FNDC3B: variants seen among roughly 807,000 people sequenced by gnomAD.
FNDC3B encodes the protein fibronectin type III domain-containing protein 3B.
A neutral mutation model predicts 151.5 loss-of-function variants in FNDC3B; 12 were observed. The ratio of observed to expected loss-of-function variants is 0.08; its 90% CI spans 0.05 to 0.13. The LOEUF (loss-of-function observed/expected upper bound fraction) is 0.13, where lower values mean the gene tolerates loss of function less well. Among genes scored for constraint, FNDC3B ranks in the 10% least tolerant of loss-of-function variants. The pLI is 1.00. For synonymous variants in FNDC3B, 528 were observed against 549.0 expected (o/e 0.96, Z 0.54); for missense variants, 1,214 against 1,505.3 (o/e 0.81, Z 3.20).
At chr3:172,347,845 G>C (rs1385717731) in intron 21 of FNDC3B, among the ~76,000 whole-genome samples, 2 of 152,220 alleles carry the variant, frequency 1.3e-5, no homozygotes, top group East Asian at 3.8e-4. Context: ...CCCAGTGACG[G>C]TTATCAAGGC....
chr3:172,152,715 T>A (rs900427798), intron 3 of FNDC3B, among the ~76,000 whole-genome samples: 1 of 151,930 alleles, frequency 6.6e-6, no homozygotes, highest in Non-Finnish European at 1.5e-5. Flanking sequence ...AAATCACACT[T>A]CTTCTTTTCA....
At chr3:172,260,350 G>T (rs1728583275) in intron 6 of FNDC3B, among the ~76,000 whole-genome samples, 1 of 152,254 alleles carries the variant, frequency 6.6e-6, no homozygotes, top group Non-Finnish European at 1.5e-5. Flanking sequence ...TGCAGATCTT[G>T]GTTTAGTCTC....
chr3:172,063,532 T>C (rs1169372207), intron 1 of FNDC3B, among the ~76,000 whole-genome samples: 1 of 152,244 alleles, frequency 6.6e-6, no homozygotes, highest in Non-Finnish European at 1.5e-5. Flanking sequence ...AGGTTTCTAC[T>C]CTTTCCCTTA....
In FNDC3B at chr3:172,175,824, A is replaced by G. The variant is rs191211531; in HGVS notation, c.187+42278A>G. Among the ~76,000 whole-genome samples the G allele has an allele frequency of 3.1e-3, 472 of 150,250 alleles. 2 individuals carry two copies. Among genetic ancestry groups the G allele is most frequent in the African/African-American group, 0.011 (445 of 39,616 alleles). Reference sequence around the variant, plus strand: ...AGACATTGTTTTTCCTGGGGAGGGGATCACAGTAGTACAGATGTGAAAAAT... The same window carrying G: ...AGACATTGTTTTTCCTGGGGAGGGGGTCACAGTAGTACAGATGTGAAAAAT... On this transcript the variant is annotated intron_variant, in intron 3 of 25. Transcript: ENST00000415807.
At chr3:172,356,166 A>G (rs1179745242) in intron 22 of FNDC3B, among the ~76,000 whole-genome samples, 2 of 152,168 alleles carry the variant, frequency 1.3e-5, no homozygotes, top group Admixed American at 1.3e-4. Context: ...ATTTTGTCAT[A>G]ACAAGGTGAG....
chr3:172,188,463 C>T (rs557527617), intron 3 of FNDC3B, among the ~76,000 whole-genome samples: 2 of 150,110 alleles, frequency 1.3e-5, no homozygotes, highest in Non-Finnish European at 3.0e-5. Flanking sequence ...TGGAGTGTAG[C>T]GACGCGATCT....
rs780264795 is a variant in FNDC3B at position 172,353,005 on chromosome 3, A to G, written c.2717A>G (p.Asp906Gly). 2 of 1,614,156 alleles carry G rather than the reference A, an allele frequency of 1.2e-6. No individual in the cohort carries two copies. Among genetic ancestry groups the G allele is most frequent in the Non-Finnish European group, 1.7e-6 (2 of 1,180,022 alleles). The change falls in exon 22 of 26, where the codon GAT becomes GGT. Residue 906 changes from aspartate (D) to glycine (G), a missense_variant. By Grantham distance (94) the Asp-to-Gly change is moderately conservative (BLOSUM62 -1). Coordinates refer to ENST00000415807, the MANE Select transcript of FNDC3B (RefSeq NM_022763.4). ...NGSEILAYTI[D>G]LGDTSITVGN... ...TCTGAAATCCTTGCTTACACCATTG[A>G]TCTAGGAGACACTAGCATTACCGTG...
At chr3:172,338,046 C>G (rs768845961) in intron 16 of FNDC3B, 2 of 152,460 alleles carry the variant, frequency 1.3e-5, no homozygotes, top group Non-Finnish European at 2.9e-5. Context: ...TTATAAGCAG[C>G]CGAGAGTGGT....
rs145532328 is a variant in FNDC3B, at chr3:172,155,820, G to C, written c.187+22274G>C. On this transcript the variant is annotated intron_variant, in intron 3 of 25. Transcript: ENST00000415807. ...CTTGAACCATGCCTTGGTGGAATTA[G>C]AAAGTTACCCACATCATTTATGGTA... Among the ~76,000 whole-genome samples the C allele has an allele frequency of 6.5e-3, 995 of 152,308 alleles. 8 individuals are homozygous for C. Among genetic ancestry groups the C allele is most frequent in the African/African-American group, 0.023 (956 of 41,578 alleles).
intron 4 of FNDC3B, among the ~76,000 whole-genome samples, chr3:172,244,651 G>C (rs530051999): frequency 1.9e-5 from 2 of 107,890 alleles, no homozygotes; most frequent in African/African-American, 7.6e-5. Flanking sequence ...TTGAGTCGGC[G>C]TCTCCGTCTG....
intron 22 of FNDC3B, among the ~76,000 whole-genome samples, chr3:172,355,518 G>C (rs377197448): frequency 9.7e-3 from 495 of 50,996 alleles, no homozygotes; most frequent in African/African-American, 0.027. Context: ...GAAAATCTAG[G>C]GGGGGGGCCT....
intron 1 of FNDC3B, among the ~76,000 whole-genome samples, chr3:172,044,121 G>A (rs78044345): frequency 1.3e-3 from 193 of 152,284 alleles, no homozygotes; most frequent in African/African-American, 4.6e-3. Flanking sequence ...GGAAGAATAT[G>A]TGTAAGATTA....
At chr3:172,058,057 G>A (rs372244130) in intron 1 of FNDC3B, among the ~76,000 whole-genome samples, 7 of 152,174 alleles carry the variant, frequency 4.6e-5, no homozygotes. Context: ...TTACGTGCAA[G>A]TTAGGTGTCT....
intron 2 of FNDC3B, among the ~76,000 whole-genome samples, chr3:172,114,845 C>G (rs1289156822): frequency 6.6e-6 from 1 of 152,158 alleles, no homozygotes; most frequent in Non-Finnish European, 1.5e-5. Flanking sequence ...TCAAAATACT[C>G]AAGCTTTATG....
chr3:172,270,060 C>T (rs886890002), intron 6 of FNDC3B, among the ~76,000 whole-genome samples: 3 of 152,220 alleles, frequency 2.0e-5, no homozygotes, highest in African/African-American at 4.8e-5. Flanking sequence ...TAGAAAATGA[C>T]ATCAATTATT....
At chr3:172,341,624 A>G (rs944707602) in intron 17 of FNDC3B, among the ~76,000 whole-genome samples, 2 of 152,222 alleles carry the variant, frequency 1.3e-5, no homozygotes, top group Admixed American at 6.5e-5. Flanking sequence ...TACCACATCT[A>G]TCAATTTTAA....
chr3:172,110,906 C>T (rs761379465), intron 1 of FNDC3B, among the ~76,000 whole-genome samples: 5 of 151,986 alleles, frequency 3.3e-5, no homozygotes, highest in Non-Finnish European at 7.4e-5. Flanking sequence ...CAAGACTGGC[C>T]TGGCCAACAT....
chr3:172,334,120 T>A (rs2108293900), intron 14 of FNDC3B, among the ~76,000 whole-genome samples: 1 of 152,358 alleles, frequency 6.6e-6, no homozygotes, highest in South Asian at 2.1e-4. Context: ...TGCTATTATT[T>A]GGCACATAGC....
At chr3:172,216,471 A>C (rs1026646823) in intron 3 of FNDC3B, among the ~76,000 whole-genome samples, 4 of 152,100 alleles carry the variant, frequency 2.6e-5, no homozygotes, top group African/African-American at 7.2e-5. Context: ...GTTGAAGGCC[A>C]GCCTGAGCAA....
Sources: gnomAD v4.1 joint callset for allele counts (sites outside exome capture counted in the v4.1 genomes callset) on GRCh38, gnomAD v4.1.1 for gene constraint, MANE v1.5 for transcripts, NCBI Gene and HGNC (gene_info 2026-07-23, HGNC 2026-07-21) for gene names.